PDE3B: variants seen among roughly 807,000 people sequenced by gnomAD.
PDE3B encodes the protein cGMP-inhibited 3',5'-cyclic phosphodiesterase 3B.
A neutral mutation model predicts 116.8 loss-of-function variants in PDE3B; 66 were observed. The observed-to-expected ratio is 0.56, with a 90% confidence interval of 0.46 to 0.69. The LOEUF (loss-of-function observed/expected upper bound fraction) is 0.69. Ranked by LOEUF, PDE3B falls within the 30% of genes least tolerant of loss-of-function variation. The pLI, the probability that PDE3B is intolerant of heterozygous loss-of-function variation, is 0.00. For synonymous variants in PDE3B, 595 were observed against 533.6 expected (o/e 1.12, Z -1.59); for missense variants, 1,384 against 1,368.1 (o/e 1.01, Z -0.18).
chr11:14,648,793 G>A (rs1243568002), intron 1 of PDE3B, among the ~76,000 whole-genome samples: 1 of 151,968 alleles, frequency 6.6e-6, no homozygotes, highest in Non-Finnish European at 1.5e-5. Context: ...TTACTAATGG[G>A]ACACTCCCTC....
At chr11:14,665,414 C>A (rs1854103362) in intron 1 of PDE3B, among the ~76,000 whole-genome samples, 1 of 152,144 alleles carries the variant, frequency 6.6e-6, no homozygotes, top group African/African-American at 2.4e-5. Context: ...GAAGTTCTAG[C>A]CAGGGCAATT....
At chr11:14,736,860 G>A (rs1303775306) in intron 1 of PDE3B, among the ~76,000 whole-genome samples, 1 of 152,062 alleles carries the variant, frequency 6.6e-6, no homozygotes, top group Non-Finnish European at 1.5e-5. Context: ...AGATAGTAGT[G>A]GTCACTAAGA....
In PDE3B at chr11:14,803,924, CT is replaced by C; in HGVS notation, c.1416-19del. The C allele has an allele frequency of 7.4e-7, 1 of 1,360,292 alleles. No individual in the cohort carries two copies. Among genetic ancestry groups the C allele is most frequent in the Non-Finnish European group, 1.0e-6 (1 of 952,710 alleles). The allele number at this position is 1,360,292 out of a possible 1,614,324, so 84.3% of individuals were successfully genotyped here. ...TTTTCCTGTTTTTAAAAATTTTAAC[CT>C]GTTATTTTTCCCTTTTAGTCAAGGA... is the stretch of plus-strand genomic sequence containing the variant. On this transcript the variant is annotated intron_variant, in intron 4 of 15. Coordinates refer to ENST00000282096, the MANE Select transcript of PDE3B (RefSeq NM_000922.4).
downstream of PDE3B, among the ~76,000 whole-genome samples, chr11:14,872,769 T>C (rs1283711248): frequency 6.6e-6 from 1 of 152,172 alleles, no homozygotes; most frequent in East Asian, 1.9e-4. Context: ...TACAAAAAGT[T>C]GGCCCTCTCT....
chr11:14,709,956 G>A lies in PDE3B; in HGVS notation c.979-61981G>A, dbSNP rs373720742. Among the ~76,000 whole-genome samples the A allele has an allele frequency of 2.6e-5, 4 of 152,086 alleles. No homozygotes were observed. In the South Asian group the frequency reaches 8.3e-4, roughly 32 times the overall value. On this transcript the variant is annotated intron_variant, in intron 1 of 15. Coordinates refer to ENST00000282096, the MANE Select transcript of PDE3B (RefSeq NM_000922.4). Reference sequence around the variant, plus strand: ...TATCTTTAATCTCACCCTATCCAAAGGAATTCTAAAGGTAAAATAACACCC... The same window carrying A: ...TATCTTTAATCTCACCCTATCCAAAAGAATTCTAAAGGTAAAATAACACCC...
chr11:14,801,490 G>C (rs893491244), intron 4 of PDE3B, among the ~76,000 whole-genome samples: 3 of 152,224 alleles, frequency 2.0e-5, no homozygotes, highest in African/African-American at 7.2e-5. Context: ...ATTACTGCCT[G>C]TTCTTTCCTC....
chr11:14,761,755 C>T (rs1328606404), intron 1 of PDE3B, among the ~76,000 whole-genome samples: 3 of 151,954 alleles, frequency 2.0e-5, no homozygotes, highest in Non-Finnish European at 2.9e-5. Flanking sequence ...TCACAATTAC[C>T]ATGACAAAAC....
At chr11:14,777,926 G>A (rs1857839624) in intron 2 of PDE3B, among the ~76,000 whole-genome samples, 1 of 152,126 alleles carries the variant, frequency 6.6e-6, no homozygotes, top group Admixed American at 6.5e-5. Flanking sequence ...ATGACAGACG[G>A]CACCTGGAAA....
intron 1 of PDE3B, among the ~76,000 whole-genome samples, chr11:14,688,461 G>A (rs1375172042): frequency 6.6e-6 from 1 of 152,074 alleles, no homozygotes; most frequent in Non-Finnish European, 1.5e-5. Context: ...GTTTAGTAGT[G>A]TGTTTACAAT....
chr11:14,777,041 T>C (rs747942461), intron 2 of PDE3B, among the ~76,000 whole-genome samples: 12 of 151,996 alleles, frequency 7.9e-5, no homozygotes, highest in African/African-American at 9.6e-5. Context: ...AAAGAAAATA[T>C]TAGCAAAAGA....
At chr11:14,671,966 G>C (rs185758415) in intron 1 of PDE3B, among the ~76,000 whole-genome samples, 6 of 149,738 alleles carry the variant, frequency 4.0e-5, no homozygotes, top group Admixed American at 1.3e-4. Context: ...GCAGTGAGCT[G>C]TGATTGTGGT....
chr11:14,675,778 T>C (rs1243784340), intron 1 of PDE3B, among the ~76,000 whole-genome samples: 3 of 152,164 alleles, frequency 2.0e-5, no homozygotes, highest in African/African-American at 7.2e-5. Flanking sequence ...CACAATTTGT[T>C]TATACATTCT....
At chr11:14,867,786 T>C (rs1848075625) in intron 15 of PDE3B, 28 bp downstream of exon 15, 1 of 1,576,044 alleles carries the variant, frequency 6.3e-7, no homozygotes, top group Non-Finnish European at 8.7e-7. Flanking sequence ...TTATAATTTA[T>C]TTAATGTTAT....
chr11:14,854,518 ATTTTT>A (rs72059847), intron 12 of PDE3B, among the ~76,000 whole-genome samples: 6 of 143,986 alleles, frequency 4.2e-5, no homozygotes, highest in Non-Finnish European at 9.2e-5. Flanking sequence ...GAAATCTAGA[ATTTTT>A]TTTTTTTTTT....
chr11:14,770,443 C>G (rs1857607305), intron 1 of PDE3B, among the ~76,000 whole-genome samples: 1 of 151,338 alleles, frequency 6.6e-6, no homozygotes, highest in Non-Finnish European at 1.5e-5. Context: ...ATAACAATAT[C>G]ATGTATAAAA....
Position 14,674,261 on chromosome 11 carries a change from A to T in PDE3B, c.978+29208A>T. The T allele has an allele frequency of 2.6e-6, 3 of 1,154,506 alleles. No individual in the cohort carries two copies. In the Admixed American group the frequency reaches 5.2e-5, roughly 20 times the overall value. 71.5% of individuals were successfully genotyped at this position (1,154,506 alleles called of 1,614,324 possible). On this transcript the variant is annotated intron_variant, in intron 1 of 15. Transcript: ENST00000282096. ...TCAACATTTTTCTGTTGGAGACCAG[A>T]TGTCTTCTTTCCTGGGGCAGCCCCT...
At position 14,644,525 on chromosome 11, in the gene PDE3B, C is replaced by G. The variant is rs1041414175; in HGVS notation, c.450C>G (p.Gly150=). 6.2e-7 allele frequency: 1 copy of G among 1,606,650 alleles called. No individual in the cohort carries two copies. Among genetic ancestry groups the G allele is most frequent in the Non-Finnish European group, 8.5e-7 (1 of 1,176,782 alleles). The stretch of plus-strand genomic sequence containing the variant: ...GACCCGGCCCGGGCCGGAGCTGCGG[C>G]TCCTGGTGGCTGCTGGCGCTGCCCG... The part of the protein sequence containing the change: ...KRGPGPGRSC[G]SWWLLALPAC... Residue 150 remains glycine, a synonymous_variant, in exon 1 of 16, where the codon GGC becomes GGG. Transcript: ENST00000282096.
chr11:14,850,774 T>C (rs1227734576), intron 12 of PDE3B, among the ~76,000 whole-genome samples: 1 of 152,118 alleles, frequency 6.6e-6, no homozygotes, highest in African/African-American at 2.4e-5. Flanking sequence ...AAATAGATAC[T>C]GTAATTGCAA....
intron 1 of PDE3B, among the ~76,000 whole-genome samples, chr11:14,760,255 G>T (rs1347906040): frequency 6.6e-6 from 1 of 152,104 alleles, no homozygotes; most frequent in Non-Finnish European, 1.5e-5. Context: ...ATAGATGTTA[G>T]CTATTATTAG....
Sources: allele counts gnomAD v4.1 joint callset (sites outside exome capture counted in the v4.1 genomes callset), GRCh38; gene constraint gnomAD v4.1.1; transcripts MANE v1.5; gene names NCBI Gene and HGNC (gene_info 2026-07-23, HGNC 2026-07-21).